The following HMGN5 variants were observed in gnomAD, a reference collection of about 807,000 sequenced individuals.
HMGN5 encodes high mobility group nucleosome binding domain 5, also known as high mobility group nucleosome-binding domain-containing protein 5.
A neutral mutation model predicts 9.5 loss-of-function variants in HMGN5; 4 were observed. The observed-to-expected ratio is 0.42, with a 90% CI of 0.21 to 0.96. The LOEUF is 0.96. Among genes scored for constraint, HMGN5 ranks in the 40% least tolerant of loss-of-function variants. The pLI is 0.30. For synonymous variants in HMGN5, 55 were observed against 57.1 expected (o/e 0.96, Z 0.16); for missense variants, 192 against 187.5 (o/e 1.02, Z -0.14).
At chrX:81,190,442 C>A (rs1422467388) in intron 1 of HMGN5, among the ~76,000 whole-genome samples, 1 of 111,066 alleles carries the variant, frequency 9.0e-6, no homozygotes, top group Non-Finnish European at 1.9e-5. Context: ...CATAAATAAA[C>A]CCCATACCCT....
At chrX:81,176,125 A>G (rs1412928252) in intron 1 of HMGN5, among the ~76,000 whole-genome samples, 1 of 111,766 alleles carries the variant, frequency 8.9e-6, no homozygotes, top group Non-Finnish European at 1.9e-5. Flanking sequence ...TCCGCTGGTG[A>G]TAGCCAGGCA....
Position 81,115,018 on chromosome X carries a change from A to G in HMGN5, c.480T>C (p.Asp160=), listed in dbSNP as rs1247542663. 9.0e-7 allele frequency: 1 copy of G among 1,113,781 alleles called. No homozygotes were observed. Among genetic ancestry groups the G allele is most frequent in the East Asian group, 3.5e-5 (1 of 28,952 alleles). 91.8% of individuals were successfully genotyped at this position (1,113,781 alleles called of 1,213,427 possible). A position where few individuals can be genotyped will look rare whatever the true frequency, so the allele number is the denominator to read the frequency against. Residue 160 remains aspartate (D), a synonymous_variant, in exon 7 of 7, where the codon GAT becomes GAC. Coordinates refer to ENST00000358130, the MANE Select transcript of HMGN5 (RefSeq NM_030763.3). ...DEKGEEDGKE[D]KNGNEKGEDA... is the part of the protein sequence containing the mutation. Reference sequence around the variant, plus strand: ...CTTCTCCTTTCTCATTTCCATTTTTATCCTCTTTTCCATCTTCTTCCCCTT... The same window carrying G: ...CTTCTCCTTTCTCATTTCCATTTTTGTCCTCTTTTCCATCTTCTTCCCCTT...
At chrX:81,193,083 T>C (rs1354770197) in intron 1 of HMGN5, among the ~76,000 whole-genome samples, 1 of 111,826 alleles carries the variant, frequency 8.9e-6, no homozygotes, top group Non-Finnish European at 1.9e-5. Context: ...TTGGAGCCTA[T>C]CCAAGTCACC....
At chrX:81,147,971 G>T (rs1414660165) in intron 1 of HMGN5, among the ~76,000 whole-genome samples, 1 of 111,299 alleles carries the variant, frequency 9.0e-6, no homozygotes, top group African/African-American at 3.3e-5. Context: ...CACTGCTCAA[G>T]GAAATAAGAG....
intron 1 of HMGN5, among the ~76,000 whole-genome samples, chrX:81,186,027 T>G (rs2075476360): frequency 8.9e-6 from 1 of 111,950 alleles, no homozygotes; most frequent in South Asian, 3.7e-4. Flanking sequence ...AAGTATTTTG[T>G]TGAGTATTTT....
chrX:81,133,098 A>T (rs1237102249), intron 1 of HMGN5, among the ~76,000 whole-genome samples: 6 of 111,901 alleles, frequency 5.4e-5, no homozygotes, highest in Non-Finnish European at 1.1e-4. Flanking sequence ...AATCACATTA[A>T]AAAAAGCTCA....
intron 1 of HMGN5, among the ~76,000 whole-genome samples, chrX:81,167,827 G>A (rs952616344): frequency 8.9e-5 from 10 of 111,790 alleles, no homozygotes; most frequent in Non-Finnish European, 1.7e-4. Context: ...ATTAAGCAAT[G>A]GCTGTGACTA....
intron 1 of HMGN5, among the ~76,000 whole-genome samples, chrX:81,138,883 T>C (rs948010522): frequency 4.5e-5 from 5 of 111,760 alleles, no homozygotes; most frequent in Non-Finnish European, 9.4e-5. Flanking sequence ...CATTTACAAT[T>C]GTTAGAAAGA....
intron 1 of HMGN5, among the ~76,000 whole-genome samples, chrX:81,148,227 A>G (rs1257622720): frequency 1.8e-5 from 2 of 111,989 alleles, no homozygotes; most frequent in African/African-American, 6.5e-5. Flanking sequence ...ACCTGACTTC[A>G]AACTACTACT....
rs1602553466 is a variant in HMGN5, at chrX:81,114,968, T to G, written c.530A>C (p.Lys177Thr). The change falls in exon 7 of 7, where the codon AAA becomes ACA. Residue 177 changes from lysine to threonine, a missense_variant. Lys to Thr is a moderately conservative substitution (Grantham distance 78). Transcript: ENST00000358130. ...ATTTCCTTTTCCGTCTTCACCTTTT[T>G]TTCCATCTTCTTTCTCTTTTGCATC... ...GEDAKEKEDG[K>T]KGEDGKGNGE... The G allele has an allele frequency of 8.6e-7, 1 of 1,157,389 alleles. No individual in the cohort carries two copies. The highest frequency in any genetic ancestry group is 3.3e-5 in the East Asian group (1 of 30,599).
intron 1 of HMGN5, among the ~76,000 whole-genome samples, chrX:81,132,604 C>T (rs992295546): frequency 9.0e-6 from 1 of 111,429 alleles, no homozygotes; most frequent in African/African-American, 3.3e-5. Flanking sequence ...GAAAGGATTC[C>T]GTGTTCAATA....
In HMGN5 at chrX:81,174,372, G is replaced by T. The variant is rs768321206; in HGVS notation, c.-124+27365C>A. Among the ~76,000 whole-genome samples, 4 of 111,525 alleles carry T rather than the reference G, an allele frequency of 3.6e-5. No individual in the cohort carries two copies. The East Asian group carries it at 8.4e-4, about 24-fold the overall frequency. On this transcript the variant is annotated intron_variant, in intron 1 of 6. Coordinates refer to ENST00000358130, the MANE Select transcript of HMGN5 (RefSeq NM_030763.3). ...AAATAGGCGTTTAAAGATGGAAAGA[G>T]ATATTTTCCTAGAGTACATAAATTC... is the stretch of plus-strand genomic sequence containing the variant.
chrX:81,177,367 CAAAAAAAAAAAA>C (rs148090852), intron 1 of HMGN5, among the ~76,000 whole-genome samples: 10 of 10,679 alleles, frequency 9.4e-4, no homozygotes, highest in Admixed American at 2.0e-3. Flanking sequence ...AAATGGAAAG[CAAAAAAAAAAAA>C]AAAAAAAAAA....
intron 1 of HMGN5, among the ~76,000 whole-genome samples, chrX:81,184,113 A>G (rs909440618): frequency 3.6e-5 from 4 of 111,196 alleles, no homozygotes; most frequent in Admixed American, 9.6e-5. Context: ...CTTTGTCTTC[A>G]CCCAAGTTTC....
At chrX:81,141,486 G>GAA (rs1556037122) in intron 1 of HMGN5, among the ~76,000 whole-genome samples, 6 of 109,698 alleles carry the variant, frequency 5.5e-5, no homozygotes, top group African/African-American at 2.0e-4. Context: ...GAGAGAGAGA[G>GAA]AGAGAAAGAG....
chrX:81,198,924 G>C (rs767048490), intron 1 of HMGN5, among the ~76,000 whole-genome samples: 13 of 111,905 alleles, frequency 1.2e-4, no homozygotes, highest in South Asian at 1.1e-3. Flanking sequence ...ATTAGGAAAA[G>C]AGGAAGTCAA....
chrX:81,134,763 G>A (rs959078875), intron 1 of HMGN5, among the ~76,000 whole-genome samples: 1 of 111,853 alleles, frequency 8.9e-6, no homozygotes, highest in African/African-American at 3.2e-5. Context: ...TAGTGGCATA[G>A]GGCGAGACTT....
At position 81,201,827 on chromosome X, in the gene HMGN5, C is replaced by A; in HGVS notation, c.-214G>T. The A allele has an allele frequency of 5.3e-6, 1 of 189,655 alleles. No homozygotes were observed. 15.6% of individuals were successfully genotyped at this position (189,655 alleles called of 1,213,427 possible). ...ACTTTTAGTCTCCGCGTGAAAAGGTCCTTCATGCTAATCTAATTCAATTCA... is the reference window on the plus strand; with the variant it reads ...ACTTTTAGTCTCCGCGTGAAAAGGTACTTCATGCTAATCTAATTCAATTCA... On this transcript the variant is annotated 5_prime_UTR_variant, in exon 1 of 7. Coordinates refer to ENST00000358130, the MANE Select transcript of HMGN5 (RefSeq NM_030763.3).
At chrX:81,160,736 G>A (rs2075395813) in intron 1 of HMGN5, among the ~76,000 whole-genome samples, 1 of 111,500 alleles carries the variant, frequency 9.0e-6, no homozygotes, top group African/African-American at 3.3e-5. Context: ...ATTCCATGGT[G>A]TATATGTACC....
Sources: allele counts gnomAD v4.1 joint callset (sites outside exome capture counted in the v4.1 genomes callset), GRCh38; gene constraint gnomAD v4.1.1; transcripts MANE v1.5; gene names NCBI Gene and HGNC (gene_info 2026-07-23, HGNC 2026-07-21).